ARAP2: variants seen among roughly 807,000 people sequenced by gnomAD.
ARAP2 encodes the protein arf-GAP with Rho-GAP domain, ANK repeat and PH domain-containing protein 2.
Under a neutral mutation model 194.5 loss-of-function variants are expected in ARAP2, and 148 were observed. The observed-to-expected ratio is 0.76, with a 90% CI of 0.67 to 0.87. The LOEUF (loss-of-function observed/expected upper bound fraction) is 0.87. ARAP2 is among the 40% of genes least tolerant of loss of function. ARAP2 has a pLI of 0.00. For synonymous variants in ARAP2, 695 were observed against 683.5 expected, an observed-to-expected ratio of 1.02 and a Z score of -0.26; for missense variants, 2,128 against 1,989.7, an observed-to-expected ratio of 1.07 and a Z score of -1.32.
chr4:36,044,952 C>T (rs749404992), intron 5 of ARAP2, among the ~76,000 whole-genome samples: 1 of 151,834 alleles, frequency 6.6e-6, no homozygotes, highest in East Asian at 1.9e-4. Context: ...AAAAAAAGTG[C>T]TCAACATCAC....
chr4:36,049,725 AG>A (rs1333007246), intron 3 of ARAP2, among the ~76,000 whole-genome samples: 1 of 152,190 alleles, frequency 6.6e-6, no homozygotes, highest in Non-Finnish European at 1.5e-5. Flanking sequence ...ATAATGTTAA[AG>A]AAAACTAAAA....
chr4:36,192,409 G>T (rs886253578), intron 7 of ARAP2, among the ~76,000 whole-genome samples: 1 of 152,030 alleles, frequency 6.6e-6, no homozygotes, highest in Non-Finnish European at 1.5e-5. Flanking sequence ...AGCTTTAAAA[G>T]AACAAACAGA....
At chr4:36,171,635 C>T (rs1311438778) in intron 9 of ARAP2, among the ~76,000 whole-genome samples, 2 of 151,742 alleles carry the variant, frequency 1.3e-5, no homozygotes, top group East Asian at 3.9e-4. Context: ...CTAACCTGCA[C>T]ATTGTGTACA....
In ARAP2 at chr4:36,228,920, G is replaced by A; in HGVS notation, c.567C>T (p.His189=). 1 of 1,613,938 alleles carries A rather than the reference G, an allele frequency of 6.2e-7. No individual in the cohort carries two copies. The highest frequency in any genetic ancestry group is 8.5e-7 in the Non-Finnish European group (1 of 1,179,922). The change falls in exon 2 of 33, where the codon CAC becomes CAT. Residue 189 remains histidine (H), a synonymous_variant. Coordinates refer to ENST00000303965, the MANE Select transcript of ARAP2 (RefSeq NM_015230.4). The part of the protein sequence containing the change: ...ESLITKKTVD[H]TVEEQQTEKV... ...TTTCTGTTTGTTGTTCTTCAACTGT[G>A]TGATCCACAGTCTTCTTTGTAATCA...
intron 6 of ARAP2, among the ~76,000 whole-genome samples, chr4:36,201,256 T>C (rs1337512534): frequency 1.3e-5 from 2 of 152,164 alleles, no homozygotes; most frequent in African/African-American, 4.8e-5. Context: ...ATACAGGTAA[T>C]AAAGAACATA....
At chr4:36,079,340 A>G (rs780133593) in intron 31 of ARAP2, among the ~76,000 whole-genome samples, 1 of 152,156 alleles carries the variant, frequency 6.6e-6, no homozygotes, top group Non-Finnish European at 1.5e-5. Flanking sequence ...TAACCACTGA[A>G]AAAGTTAATA....
chr4:36,192,912 C>T (rs1020750372), intron 7 of ARAP2, among the ~76,000 whole-genome samples: 8 of 152,154 alleles, frequency 5.3e-5, no homozygotes, highest in South Asian at 2.1e-4. Flanking sequence ...AGGAGAATCG[C>T]TGGAACCCAG....
chr4:36,008,217 A>G lies in ARAP2; in HGVS notation n.1326-1171T>C, dbSNP rs984697757. On this transcript the variant is annotated intron_variant and non_coding_transcript_variant, in intron 9 of 12. Transcript: ENST00000503225. ...TATTCTAAAATTTGTATGGAATCAA[A>G]AAGAGCCCAAATAGCCAAAGTAATC... Among the ~76,000 whole-genome samples, 4 of 152,182 alleles carry G rather than the reference A, an allele frequency of 2.6e-5. No individual in the cohort carries two copies. In the South Asian group the frequency reaches 8.3e-4, roughly 31 times the overall value.
intron 5 of ARAP2, among the ~76,000 whole-genome samples, chr4:36,035,545 T>C (rs1358710076): frequency 6.6e-6 from 1 of 152,102 alleles, no homozygotes; most frequent in Non-Finnish European, 1.5e-5. Context: ...TAAAATTAAG[T>C]CAATTTTCCA....
In ARAP2 at chr4:36,187,587, A is replaced by C; in HGVS notation, c.1558-16T>G. On this transcript the variant is annotated splice_polypyrimidine_tract_variant and intron_variant, in intron 7 of 32. Transcript: ENST00000303965. ...AATACATCTCCTGTATTGGTTAGAA[A>C]AAAAGAGAAGACATATGAAAACGAA... The C allele has an allele frequency of 6.5e-7, 1 of 1,530,890 alleles. No individual in the cohort carries two copies. Among genetic ancestry groups the C allele is most frequent in the East Asian group, 2.4e-5 (1 of 41,334 alleles). 94.8% of individuals were successfully genotyped at this position (1,530,890 alleles called of 1,614,324 possible). A position where few individuals can be genotyped will look rare whatever the true frequency, so the allele number is the denominator to read the frequency against.
intron 25 of ARAP2, among the ~76,000 whole-genome samples, chr4:36,114,971 G>A (rs558123811): frequency 9.3e-4 from 142 of 152,042 alleles, no homozygotes; most frequent in Non-Finnish European, 1.7e-3. Context: ...GTGCATGCTG[G>A]CCAAAAGCAA....
In ARAP2 at chr4:36,229,044, G is replaced by A; in HGVS notation, c.443C>T (p.Pro148Leu). Residue 148 changes from proline to leucine, a missense_variant, in exon 2 of 33, where the codon CCT becomes CTT. Coordinates refer to ENST00000303965, the MANE Select transcript of ARAP2 (RefSeq NM_015230.4). ...TGCAGTGGGGAAGTCGCGTTTAGGA[G>A]GAGACAGCTTATCATCTGATTGAGG... ...QYPQSDDKLS[P>L]PKRDFPTAEE... 1 of 1,614,110 alleles carries A rather than the reference G, an allele frequency of 6.2e-7. No individual in the cohort carries two copies. Among genetic ancestry groups the A allele is most frequent in the Non-Finnish European group, 8.5e-7 (1 of 1,180,004 alleles).
chr4:36,144,747 T>A (rs1729216097), intron 19 of ARAP2, among the ~76,000 whole-genome samples: 1 of 151,872 alleles, frequency 6.6e-6, no homozygotes, highest in African/African-American at 2.4e-5. Context: ...TATTTTTATA[T>A]CGCAGTTAAA....
chr4:36,229,657 T>A lies in ARAP2; in HGVS notation c.-159-12A>T, dbSNP rs1322939456. ...TTACCTGCTTAAGCCTAGAAAAAAA[T>A]AAAAAATGATTCATTAGGCTATTTT... On this transcript the variant is annotated splice_polypyrimidine_tract_variant and intron_variant, in intron 1 of 32. Transcript: ENST00000303965. The A allele has an allele frequency of 4.4e-6, 2 of 456,696 alleles. No homozygotes were observed. The highest frequency in any genetic ancestry group is 4.0e-5 in the African/African-American group (2 of 50,422). 28.3% of individuals were successfully genotyped at this position (456,696 alleles called of 1,614,324 possible). A position where few individuals can be genotyped will look rare whatever the true frequency, so the allele number is the denominator to read the frequency against.
intron 9 of ARAP2, among the ~76,000 whole-genome samples, chr4:36,008,911 G>T (rs564135516): frequency 7.2e-5 from 11 of 152,092 alleles, no homozygotes; most frequent in African/African-American, 2.6e-4. Flanking sequence ...CTTCTCAAAA[G>T]AAAACATACA....
chr4:36,072,850 G>C (rs1727355965), intron 32 of ARAP2, among the ~76,000 whole-genome samples: 1 of 151,948 alleles, frequency 6.6e-6, no homozygotes, highest in Non-Finnish European at 1.5e-5. Flanking sequence ...TATTACAGTG[G>C]GATAAATGTT....
At chr4:36,181,929 G>T (rs1372498693) in intron 8 of ARAP2, among the ~76,000 whole-genome samples, 1 of 152,144 alleles carries the variant, frequency 6.6e-6, no homozygotes, top group Non-Finnish European at 1.5e-5. Flanking sequence ...CAGAAGAAGG[G>T]GATGGTTAGC....
At chr4:36,237,851 T>C (rs1337950932) in intron 1 of ARAP2, among the ~76,000 whole-genome samples, 2 of 152,186 alleles carry the variant, frequency 1.3e-5, no homozygotes, top group African/African-American at 2.4e-5. Flanking sequence ...AATATCAAGA[T>C]ATTCACTCCA....
chr4:36,207,600 C>T (rs772649743), intron 6 of ARAP2, among the ~76,000 whole-genome samples: 5 of 152,040 alleles, frequency 3.3e-5, no homozygotes, highest in Admixed American at 6.5e-5. Flanking sequence ...GACAACCATG[C>T]GAAATAAGCT....
Sources: gnomAD v4.1 joint callset for allele counts (sites outside exome capture counted in the v4.1 genomes callset) on GRCh38, gnomAD v4.1.1 for gene constraint, MANE v1.5 for transcripts, NCBI Gene and HGNC (gene_info 2026-07-23, HGNC 2026-07-21) for gene names.